IMMP1L: variants seen among roughly 807,000 people sequenced by gnomAD.
IMMP1L encodes the protein inner mitochondrial membrane peptidase subunit 1.
Under a neutral mutation model 21.8 loss-of-function variants are expected in IMMP1L, and 24 were observed. The observed-to-expected ratio is 1.10, with a 90% CI of 0.80 to 1.55. IMMP1L has a LOEUF of 1.55. IMMP1L is among the 40% of genes most tolerant of loss of function. The probability of loss-of-function intolerance (pLI) is 0.00; values close to 1 mark genes in which losing one functional copy is unlikely to be tolerated. For missense variants in IMMP1L, 195 were observed against 200.7 expected (o/e 0.97, Z 0.17); for synonymous variants, 46 against 62.8 (o/e 0.73, Z 1.26).
In IMMP1L at chr11:31,480,602, G is replaced by C. The variant is rs140007803; in HGVS notation, c.-29-17297C>G. ...TATAATATCTATCTGTAATACTGAG[G>C]CTAAAGATGAAATTGAGATATGAGT... On this transcript the variant is annotated intron_variant, in intron 1 of 5. Transcript: ENST00000532287. Among the ~76,000 whole-genome samples the C allele has an allele frequency of 3.8e-4, 57 of 151,918 alleles. No homozygotes were observed. In the East Asian group the frequency reaches 0.011, roughly 28 times the overall value.
chr11:31,450,214 A>G (rs1953697113), intron 4 of IMMP1L, among the ~76,000 whole-genome samples: 1 of 152,218 alleles, frequency 6.6e-6, no homozygotes, highest in South Asian at 2.1e-4. Flanking sequence ...CAAAAGGCAC[A>G]TGTATGACTA....
intron 1 of IMMP1L, among the ~76,000 whole-genome samples, chr11:31,471,634 T>A (rs1444052346): frequency 6.6e-6 from 1 of 152,146 alleles, no homozygotes; most frequent in Non-Finnish European, 1.5e-5. Flanking sequence ...AAATATGAGT[T>A]AACATACTGG....
chr11:31,493,619 G>A (rs538436891), intron 1 of IMMP1L, among the ~76,000 whole-genome samples: 1 of 152,172 alleles, frequency 6.6e-6, no homozygotes, highest in East Asian at 1.9e-4. Context: ...GCTCATTCCA[G>A]AATTAACCCA....
At chr11:31,465,642 G>A (rs1372576387) in intron 1 of IMMP1L, among the ~76,000 whole-genome samples, 2 of 151,914 alleles carry the variant, frequency 1.3e-5, no homozygotes, top group African/African-American at 4.8e-5. Context: ...ATAAATCCAT[G>A]TATTTACAGC....
chr11:31,472,801 T>C (rs1045921709), intron 1 of IMMP1L, among the ~76,000 whole-genome samples: 1 of 152,190 alleles, frequency 6.6e-6, no homozygotes, highest in African/African-American at 2.4e-5. Context: ...ACTTTACATA[T>C]ATTAACTCAT....
rs1955930466 is a variant in IMMP1L, at chr11:31,509,582, C to A, written c.-93G>T. On this transcript the variant is annotated 5_prime_UTR_variant, in exon 1 of 6. Coordinates refer to ENST00000532287, the MANE Select transcript of IMMP1L (RefSeq NM_001304274.2). The stretch of plus-strand genomic sequence containing the variant: ...CACAGGTGGGCCTTTCTCACCTGGG[C>A]CCCGCCGAAGTCGACCGTCCTTTCG... The A allele has an allele frequency of 3.3e-6, 2 of 608,116 alleles. No homozygotes were observed. The highest frequency in any genetic ancestry group is 2.8e-5 in the East Asian group (1 of 35,600). The allele number at this position is 608,116 out of a possible 1,614,324, so 37.7% of individuals were successfully genotyped here.
At chr11:31,458,634 G>A (rs1199653491) in intron 3 of IMMP1L, among the ~76,000 whole-genome samples, 1 of 152,088 alleles carries the variant, frequency 6.6e-6, no homozygotes, top group African/African-American at 2.4e-5. Context: ...CTGAAATCTT[G>A]AGTTCTGTGC....
chr11:31,444,498 T>C (rs967294332), intron 4 of IMMP1L, among the ~76,000 whole-genome samples: 1 of 152,122 alleles, frequency 6.6e-6, no homozygotes, highest in Non-Finnish European at 1.5e-5. Context: ...TATGAGTAAG[T>C]ACCACATCAA....
intron 1 of IMMP1L, among the ~76,000 whole-genome samples, chr11:31,470,636 G>A (rs1954517025): frequency 6.6e-6 from 1 of 152,146 alleles, no homozygotes; most frequent in East Asian, 1.9e-4. Flanking sequence ...GTATATCCAA[G>A]AGAAAGGAAA....
chr11:31,438,426 A>ATG (rs1336084322), intron 4 of IMMP1L, among the ~76,000 whole-genome samples: 4 of 152,130 alleles, frequency 2.6e-5, no homozygotes, highest in African/African-American at 9.7e-5. Context: ...TACCATGGAT[A>ATG]CAAGTCCTTT....
chr11:31,467,584 A>G (rs1954400238), intron 1 of IMMP1L, among the ~76,000 whole-genome samples: 1 of 152,124 alleles, frequency 6.6e-6, no homozygotes, highest in South Asian at 2.1e-4. Context: ...TTAAAAATGA[A>G]ATTTTTAAAA....
At chr11:31,464,949 A>T (rs568185325) in intron 1 of IMMP1L, among the ~76,000 whole-genome samples, 1 of 152,314 alleles carries the variant, frequency 6.6e-6, no homozygotes, top group East Asian at 1.9e-4. Context: ...CATAGCAATT[A>T]GGCAAAATAA....
At chr11:31,438,993 T>G (rs1362887727) in intron 4 of IMMP1L, among the ~76,000 whole-genome samples, 2 of 152,126 alleles carry the variant, frequency 1.3e-5, no homozygotes, top group Non-Finnish European at 2.9e-5. Flanking sequence ...TTTAAAGATT[T>G]CATTTTCTTT....
chr11:31,508,036 G>A (rs1330460609), intron 1 of IMMP1L, among the ~76,000 whole-genome samples: 1 of 152,196 alleles, frequency 6.6e-6, no homozygotes, highest in Non-Finnish European at 1.5e-5. Context: ...GAGAGCATCA[G>A]GAAGAATAGC....
chr11:31,475,025 T>C (rs1190719692), intron 1 of IMMP1L, among the ~76,000 whole-genome samples: 5 of 152,134 alleles, frequency 3.3e-5, no homozygotes, highest in Admixed American at 2.0e-4. Flanking sequence ...TACTCAATAT[T>C]TTCAGAGACT....
intron 1 of IMMP1L, among the ~76,000 whole-genome samples, chr11:31,472,046 CCT>C (rs1954570632): frequency 1.3e-5 from 2 of 152,122 alleles, no homozygotes; most frequent in Admixed American, 6.5e-5. Flanking sequence ...GTCACTTCTT[CCT>C]CTGTTTCTCT....
rs978176406 is a variant in IMMP1L, at chr11:31,495,849, C to T, written c.-30+13670G>A. Among the ~76,000 whole-genome samples, 41 of 152,072 alleles carry T rather than the reference C, an allele frequency of 2.7e-4. 1 individual carries two copies. Among genetic ancestry groups the T allele is most frequent in the African/African-American group, 9.2e-4 (38 of 41,406 alleles). ...AGAATGAAGTTGGACTTTTGTCTTACACCATATAAAATTAACTCAAAATAG... is the reference window on the plus strand; with the variant it reads ...AGAATGAAGTTGGACTTTTGTCTTATACCATATAAAATTAACTCAAAATAG... On this transcript the variant is annotated intron_variant, in intron 1 of 5. Transcript: ENST00000532287.
intron 2 of IMMP1L, among the ~76,000 whole-genome samples, chr11:31,462,637 T>C (rs983702127): frequency 6.6e-6 from 1 of 152,172 alleles, no homozygotes; most frequent in Admixed American, 6.5e-5. Flanking sequence ...TTACAGATGA[T>C]TAATTTGTTT....
intron 1 of IMMP1L, among the ~76,000 whole-genome samples, chr11:31,497,046 T>TTATATA (rs202187225): frequency 6.7e-6 from 1 of 149,790 alleles, no homozygotes; most frequent in Non-Finnish European, 1.5e-5. Context: ...GTATTACATA[T>TTATATA]TATATATATA....
Sources: gnomAD v4.1 joint callset for allele counts (sites outside exome capture counted in the v4.1 genomes callset) on GRCh38, gnomAD v4.1.1 for gene constraint, MANE v1.5 for transcripts, NCBI Gene and HGNC (gene_info 2026-07-23, HGNC 2026-07-21) for gene names.